OCIAD1: variants seen among roughly 807,000 people sequenced by gnomAD.
The protein encoded by OCIAD1 is OCIA domain-containing protein 1.
OCIAD1 carries 29 observed loss-of-function variants against 38.9 expected under a neutral mutation model. The ratio of observed to expected loss-of-function variants is 0.74; its 90% CI spans 0.55 to 1.02. OCIAD1 has a LOEUF of 1.02. OCIAD1 is among the 50% of genes least tolerant of loss of function. The pLI, the probability that OCIAD1 is intolerant of heterozygous loss-of-function variation, is 0.00. For synonymous variants in OCIAD1, 110 were observed against 92.0 expected, an observed-to-expected ratio of 1.20 and a Z score of -1.12; for missense variants, 288 against 289.6, an observed-to-expected ratio of 0.99 and a Z score of 0.04.
chr4:48,843,196 C>G (rs1368910199), intron 4 of OCIAD1, among the ~76,000 whole-genome samples: 3 of 152,010 alleles, frequency 2.0e-5, no homozygotes, highest in Admixed American at 2.0e-4. Flanking sequence ...AACGAGCCAC[C>G]GAGGAGACTT....
At chr4:48,807,288 C>G (rs1777038062) in intron 1 of OCIAD1, among the ~76,000 whole-genome samples, 2 of 151,794 alleles carry the variant, frequency 1.3e-5, no homozygotes, top group East Asian at 1.9e-4. Flanking sequence ...CCACTGCACT[C>G]CAGCCTGGGT....
Position 48,849,937 on chromosome 4 carries a change from T to C in OCIAD1, c.242-10T>C, listed in dbSNP as rs1378455684. 6 of 1,589,062 alleles carry C rather than the reference T, an allele frequency of 3.8e-6. No individual in the cohort carries two copies. Among genetic ancestry groups the C allele is most frequent in the Non-Finnish European group, 5.1e-6 (6 of 1,172,312 alleles). The stretch of plus-strand genomic sequence containing the variant: ...TTCAGTTACACTTTTTGTTTGATTT[T>C]ACAAATAAGTTGCTTGTATCATGGG... On this transcript the variant is annotated splice_polypyrimidine_tract_variant and intron_variant, in intron 5 of 8. Transcript: ENST00000264312.
chr4:48,836,162 G>A (rs1293293713), intron 3 of OCIAD1, among the ~76,000 whole-genome samples: 1 of 152,134 alleles, frequency 6.6e-6, no homozygotes, highest in Non-Finnish European at 1.5e-5. Context: ...TCTGTTTTGA[G>A]CTTTTGGCAG....
In OCIAD1 at chr4:48,831,125, C is replaced by T. The variant is rs965042389; in HGVS notation, c.-130C>T. On this transcript the variant is annotated 5_prime_UTR_variant, in exon 1 of 9. Transcript: ENST00000264312. ...GGATGACTTCTTGCGGCTGTTCTAC[C>T]CCTCCCCCTCCCCGCGGTACCTTGC... 2 of 282,852 alleles carry T rather than the reference C, an allele frequency of 7.1e-6. No individual in the cohort carries two copies. Among genetic ancestry groups the T allele is most frequent in the Middle Eastern group, 1.4e-3 (1 of 734 alleles). 17.5% of individuals were successfully genotyped at this position (282,852 alleles called of 1,614,324 possible).
chr4:48,831,416 C>T (rs1265597446), intron 1 of OCIAD1, 167 bp downstream of exon 1: 5 of 1,088,230 alleles, frequency 4.6e-6, no homozygotes, highest in Non-Finnish European at 6.2e-6. Flanking sequence ...CGGGAGGCGA[C>T]GGAGTGCTTC....
At chr4:48,818,255 C>A (rs545367478) in intron 1 of OCIAD1, among the ~76,000 whole-genome samples, 7 of 152,322 alleles carry the variant, frequency 4.6e-5, no homozygotes, top group Non-Finnish European at 1.0e-4. Context: ...GTTCTGCAGG[C>A]TCTACTGGTG....
chr4:48,860,010 G>A (rs1420793965), intron 8 of OCIAD1: 3 of 152,156 alleles, frequency 2.0e-5, no homozygotes, highest in African/African-American at 7.2e-5. Flanking sequence ...TTGACTTCAT[G>A]TATTCCCTGA....
intron 1 of OCIAD1, among the ~76,000 whole-genome samples, chr4:48,816,527 G>A (rs1183988894): frequency 7.0e-6 from 1 of 141,850 alleles, no homozygotes; most frequent in South Asian, 2.5e-4. Flanking sequence ...GCAAGAGTCC[G>A]TCTAAAAGGA....
chr4:48,854,895 T>C (rs1360697471), intron 7 of OCIAD1, among the ~76,000 whole-genome samples: 2 of 152,238 alleles, frequency 1.3e-5, no homozygotes, highest in African/African-American at 4.8e-5. Flanking sequence ...CAAGCACTCC[T>C]TCAGAGCTGT....
intron 4 of OCIAD1, among the ~76,000 whole-genome samples, chr4:48,847,378 T>C (rs908000267): frequency 7.9e-5 from 12 of 152,192 alleles, no homozygotes; most frequent in Non-Finnish European, 1.8e-4. Context: ...GTGATTATTT[T>C]TTCCCCACTC....
chr4:48,808,436 C>G (rs1777052079), intron 1 of OCIAD1, among the ~76,000 whole-genome samples: 1 of 152,044 alleles, frequency 6.6e-6, no homozygotes, highest in Non-Finnish European at 1.5e-5. Flanking sequence ...CACCACTGCA[C>G]TCCAGCCTGG....
At chr4:48,836,221 G>A (rs1777974455) in intron 3 of OCIAD1, among the ~76,000 whole-genome samples, 1 of 152,132 alleles carries the variant, frequency 6.6e-6, no homozygotes, top group Non-Finnish European at 1.5e-5. Context: ...GTTGATTAGT[G>A]TGTCATTTGG....
rs371870229 is a variant in OCIAD1, at chr4:48,851,817, A to G, written c.389A>G (p.Gln130Arg). ...RRSSPPGHYY[Q>R]KSKYDSSVSG... ...ATTTTCATTTACAGGCACTATTATC[A>G]AAAGTCAAAATATGACTCAAGTGTG... Residue 130 changes from glutamine to arginine, a missense_variant, in exon 7 of 9, where the codon CAA becomes CGA. Transcript: ENST00000264312. The G allele has an allele frequency of 2.5e-6, 4 of 1,606,254 alleles. No homozygotes were observed. The highest frequency in any genetic ancestry group is 1.7e-4 in the Middle Eastern group (1 of 6,040).
At chr4:48,836,514 A>T (rs1008236968) in intron 3 of OCIAD1, among the ~76,000 whole-genome samples, 3 of 152,260 alleles carry the variant, frequency 2.0e-5, no homozygotes, top group African/African-American at 7.2e-5. Flanking sequence ...TACATGAAAA[A>T]TTAGTTTATT....
intron 3 of OCIAD1, among the ~76,000 whole-genome samples, 153 bp from the exon 4 acceptor site, chr4:48,842,483 A>T (rs1401299046): frequency 1.3e-5 from 2 of 152,204 alleles, no homozygotes; most frequent in African/African-American, 4.8e-5. Context: ...CTATGTATAC[A>T]GTACAGCTTT....
intron 4 of OCIAD1, among the ~76,000 whole-genome samples, chr4:48,843,701 A>G (rs1778731770): frequency 6.6e-6 from 1 of 152,128 alleles, no homozygotes; most frequent in Non-Finnish European, 1.5e-5. Flanking sequence ...TTGGTTCTGT[A>G]TTGTGAAACA....
intron 4 of OCIAD1, among the ~76,000 whole-genome samples, chr4:48,847,541 C>A (rs1159851380): frequency 6.6e-6 from 1 of 152,042 alleles, no homozygotes; most frequent in East Asian, 1.9e-4. Flanking sequence ...TTAAAAAAAT[C>A]TTTCATATTT....
chr4:48,834,607 C>CA (rs1777813377), intron 3 of OCIAD1, among the ~76,000 whole-genome samples: 1 of 152,042 alleles, frequency 6.6e-6, no homozygotes, highest in Admixed American at 6.6e-5. Flanking sequence ...TTGTCTCTAC[C>CA]AAAAATGAAA....
At chr4:48,849,817 C>T (rs1779270555) in intron 5 of OCIAD1, 130 bp from the exon 6 acceptor site, 3 of 702,884 alleles carry the variant, frequency 4.3e-6, no homozygotes, top group South Asian at 4.0e-5. Context: ...ACCATTATTT[C>T]AGGAAATCTC....
Sources: allele counts gnomAD v4.1 joint callset (sites outside exome capture counted in the v4.1 genomes callset), GRCh38; gene constraint gnomAD v4.1.1; transcripts MANE v1.5; gene names NCBI Gene and HGNC (gene_info 2026-07-23, HGNC 2026-07-21).